The following TNFSF4 variants were observed in gnomAD, a reference collection of about 807,000 sequenced individuals.
TNFSF4 encodes the protein tumor necrosis factor ligand superfamily member 4.
Under a neutral mutation model 7.3 loss-of-function variants are expected in TNFSF4, and 4 were observed. That is an observed-to-expected ratio of 0.55 (90% CI 0.27 to 1.25). The LOEUF (loss-of-function observed/expected upper bound fraction) is 1.25, where lower values mean the gene tolerates loss of function less well. Ranked by LOEUF, TNFSF4 falls within the 50% of genes most tolerant of loss-of-function variation. The pLI, the probability that TNFSF4 is intolerant of heterozygous loss-of-function variation, is 0.12. For missense variants in TNFSF4, 181 were observed against 208.8 expected (o/e 0.87, Z 0.82); for synonymous variants, 76 against 83.7 (o/e 0.91, Z 0.50).
chr1:173,402,012 G>C, the TNFSF4 span, among the ~76,000 whole-genome samples: 21 of 152,172 alleles, frequency 1.4e-4, no homozygotes, highest in African/African-American at 4.6e-4. Flanking sequence ...ATTTGCACTT[G>C]TGTTGTTAAT....
At chr1:173,228,784 T>A in the TNFSF4 span, among the ~76,000 whole-genome samples, 2 of 152,288 alleles carry the variant, frequency 1.3e-5, no homozygotes, top group South Asian at 4.1e-4. Context: ...GTGACGAATG[T>A]GCAAGCTTCA....
chr1:173,233,694 T>G, the TNFSF4 span, among the ~76,000 whole-genome samples: 1 of 152,330 alleles, frequency 6.6e-6, no homozygotes, highest in East Asian at 1.9e-4. Flanking sequence ...CTCAGGGAAA[T>G]AGTCGCTGAA....
chr1:173,219,782 T>C, the TNFSF4 span, among the ~76,000 whole-genome samples: 1 of 152,014 alleles, frequency 6.6e-6, no homozygotes, highest in African/African-American at 2.4e-5. Context: ...TTATTATAAG[T>C]GAACTAACCC....
At chr1:173,299,412 T>G in the TNFSF4 span, among the ~76,000 whole-genome samples, 1 of 151,810 alleles carries the variant, frequency 6.6e-6, no homozygotes, top group Non-Finnish European at 1.5e-5. Context: ...TGAGGGGCTA[T>G]CTAAAGACTC....
At chr1:173,207,656 G>A (rs1557888208), upstream of TNFSF4, among the ~76,000 whole-genome samples, 2 of 152,106 alleles carry the variant, frequency 1.3e-5, no homozygotes, top group South Asian at 4.1e-4. Flanking sequence ...AGATTTAGGG[G>A]AAATGCTGGC....
At chr1:173,192,956 C>A (rs562151628) in intron 1 of TNFSF4, among the ~76,000 whole-genome samples, 3 of 152,042 alleles carry the variant, frequency 2.0e-5, no homozygotes, top group Admixed American at 2.0e-4. Context: ...TGGATGCACA[C>A]GGAAAACAAT....
the TNFSF4 span, among the ~76,000 whole-genome samples, chr1:173,327,999 A>G: frequency 3.3e-5 from 5 of 152,220 alleles, no homozygotes; most frequent in African/African-American, 1.2e-4. Context: ...CAATCCCATT[A>G]CTGGGTATAT....
At chr1:173,418,989 A>G in the TNFSF4 span, among the ~76,000 whole-genome samples, 3 of 152,248 alleles carry the variant, frequency 2.0e-5, no homozygotes, top group African/African-American at 7.2e-5. Context: ...AATTAAGATT[A>G]AATAAGGCCA....
the TNFSF4 span, among the ~76,000 whole-genome samples, chr1:173,300,099 G>GTAGA: frequency 0.047 from 6,976 of 147,810 alleles, 179 homozygotes; most frequent in Middle Eastern, 0.079. Flanking sequence ...AAAATAGATG[G>GTAGA]TAGATAGATA....
chr1:173,347,869 C>A, the TNFSF4 span, among the ~76,000 whole-genome samples: 3 of 152,222 alleles, frequency 2.0e-5, no homozygotes, highest in Admixed American at 6.5e-5. Flanking sequence ...CTAGCCTCTA[C>A]TCACTAGACG....
At chr1:173,409,834 G>A in the TNFSF4 span, among the ~76,000 whole-genome samples, 2 of 152,180 alleles carry the variant, frequency 1.3e-5, no homozygotes, top group African/African-American at 4.8e-5. Context: ...AGGAGCTCCC[G>A]CAGCTCTCCA....
chr1:173,232,267 A>T, the TNFSF4 span, among the ~76,000 whole-genome samples: 8 of 151,948 alleles, frequency 5.3e-5, no homozygotes, highest in African/African-American at 1.7e-4. Context: ...TGGCTCTCTG[A>T]TTGTCTGTTA....
chr1:173,332,637 C>T, the TNFSF4 span, among the ~76,000 whole-genome samples: 4 of 152,116 alleles, frequency 2.6e-5, no homozygotes, highest in Non-Finnish European at 5.9e-5. Context: ...GGGTGGATCA[C>T]GAGGTCAGGA....
the TNFSF4 span, among the ~76,000 whole-genome samples, chr1:173,343,711 T>C: frequency 1.3e-5 from 2 of 152,212 alleles, no homozygotes; most frequent in Non-Finnish European, 2.9e-5. Context: ...TGTATTCTGA[T>C]AACATGTTTT....
chr1:173,226,765 C>G, the TNFSF4 span, among the ~76,000 whole-genome samples: 1 of 152,172 alleles, frequency 6.6e-6, no homozygotes, highest in Non-Finnish European at 1.5e-5. Context: ...CTGCCAGAGA[C>G]TCCTTTTTCA....
chr1:173,347,051 T>C, the TNFSF4 span, among the ~76,000 whole-genome samples: 1 of 152,306 alleles, frequency 6.6e-6, no homozygotes, highest in East Asian at 1.9e-4. Context: ...ATTGACTTTA[T>C]CCAGAGGAAA....
At chr1:173,357,209 T>G in the TNFSF4 span, among the ~76,000 whole-genome samples, 1 of 152,262 alleles carries the variant, frequency 6.6e-6, no homozygotes, top group Non-Finnish European at 1.5e-5. Flanking sequence ...TAGCTTAAGA[T>G]GTAGGCCTCA....
downstream of TNFSF4, among the ~76,000 whole-genome samples, chr1:173,181,159 G>C (rs12239845): frequency 0.24 from 37,243 of 152,070 alleles, 6,870 homozygotes; most frequent in African/African-American, 0.52. Flanking sequence ...GTATGTCCTT[G>C]TTAATAAATA....
In TNFSF4 at chr1:173,184,855, A is replaced by T. The variant is rs1649156103; in HGVS notation, c.*1661T>A. On this transcript the variant is annotated 3_prime_UTR_variant, in exon 3 of 3. Coordinates refer to ENST00000281834, the MANE Select transcript of TNFSF4 (RefSeq NM_003326.5). ...GGCCCTCCATAAATATTTAGCCATG[A>T]TTATGATTCTGTGAGTGCCTTGGCA... 1 of 149,820 alleles carries T rather than the reference A, an allele frequency of 6.7e-6. No homozygotes were observed. Among genetic ancestry groups the T allele is most frequent in the Non-Finnish European group, 1.5e-5 (1 of 67,504 alleles). 9.3% of individuals were successfully genotyped at this position (149,820 alleles called of 1,614,324 possible). A position where few individuals can be genotyped will look rare whatever the true frequency, so the allele number is the denominator to read the frequency against.
Sources: gnomAD v4.1 joint callset for allele counts (sites outside exome capture counted in the v4.1 genomes callset) on GRCh38, gnomAD v4.1.1 for gene constraint, MANE v1.5 for transcripts, NCBI Gene and HGNC (gene_info 2026-07-23, HGNC 2026-07-21) for gene names.